SCIMP: variants seen among roughly 807,000 people sequenced by gnomAD.
SCIMP encodes the protein SLP adaptor and CSK interacting membrane protein, also known as SLP adapter and CSK-interacting membrane protein.
In SCIMP, 18 loss-of-function variants were observed where a neutral mutation model predicts 22.0. That is an observed-to-expected ratio of 0.82 (90% CI 0.56 to 1.21). The LOEUF is 1.21. SCIMP is among the 50% of genes most tolerant of loss of function. SCIMP has a pLI of 0.00. For synonymous variants in SCIMP, 53 were observed against 62.2 expected, an observed-to-expected ratio of 0.85 and a Z score of 0.70; for missense variants, 155 against 171.2, an observed-to-expected ratio of 0.91 and a Z score of 0.53.
intron 1 of SCIMP, among the ~76,000 whole-genome samples, chr17:5,230,722 A>T (rs2074687244): frequency 6.6e-6 from 1 of 151,980 alleles, no homozygotes; most frequent in South Asian, 2.1e-4. Flanking sequence ...GGAGTTCAAG[A>T]CCAGCCTAGG....
intron 3 of SCIMP, among the ~76,000 whole-genome samples, chr17:5,217,442 AG>A (rs2074573559): frequency 6.6e-6 from 1 of 151,556 alleles, no homozygotes; most frequent in South Asian, 2.1e-4. Flanking sequence ...TTTAAGTTTT[AG>A]GGTACATGTG....
chr17:5,234,193 C>G (rs1191546612), intron 1 of SCIMP, among the ~76,000 whole-genome samples: 1 of 152,114 alleles, frequency 6.6e-6, no homozygotes, highest in African/African-American at 2.4e-5. Context: ...ATCGCTTGAA[C>G]CCGGGAGGCG....
chr17:5,223,581 C>T (rs2641255), intron 1 of SCIMP, 125 bp from the exon 2 acceptor site: 489,122 of 893,950 alleles, frequency 0.55, 146,973 homozygotes, highest in Non-Finnish European at 0.64. Flanking sequence ...CTCACTCTGT[C>T]GCCCAGGCTG....
At chr17:5,217,756 GGCTGCAT>G (rs765185063) in intron 3 of SCIMP, among the ~76,000 whole-genome samples, 114 of 151,932 alleles carry the variant, frequency 7.5e-4, no homozygotes, top group Non-Finnish European at 1.0e-3. Flanking sequence ...CATTTTTTAT[GGCTGCAT>G]AGTATTCCAT....
intron 3 of SCIMP, among the ~76,000 whole-genome samples, chr17:5,218,600 A>G (rs2074583064): frequency 6.6e-6 from 1 of 152,118 alleles, no homozygotes; most frequent in South Asian, 2.1e-4. Flanking sequence ...TCGGCCTCCC[A>G]AAGTCTGGGA....
intron 1 of SCIMP, among the ~76,000 whole-genome samples, chr17:5,232,233 G>A (rs1038722944): frequency 6.6e-6 from 1 of 152,070 alleles, no homozygotes; most frequent in Non-Finnish European, 1.5e-5. Flanking sequence ...GCGCTGATGC[G>A]TTACAAGCCC....
intron 4 of SCIMP, chr17:5,214,634 A>G (rs562332803): frequency 3.2e-6 from 1 of 314,314 alleles, no homozygotes; most frequent in East Asian, 5.4e-5. Context: ...AGGTCAGGAG[A>G]TCGAGACCAT....
chr17:5,229,799 G>A (rs557382040), intron 1 of SCIMP, among the ~76,000 whole-genome samples: 3 of 151,740 alleles, frequency 2.0e-5, no homozygotes, highest in Non-Finnish European at 4.4e-5. Flanking sequence ...CCCTAGGCTG[G>A]CCATCAAGGG....
At chr17:5,224,292 G>A (rs754573889) in intron 1 of SCIMP, among the ~76,000 whole-genome samples, 30 of 151,656 alleles carry the variant, frequency 2.0e-4, no homozygotes, top group Admixed American at 1.8e-3. Context: ...CCACGACCAC[G>A]CCCGGCTGAT....
rs2074515480 is a variant in SCIMP, at chr17:5,210,025, C to T, written c.*776G>A. ...TTGTCCTGGGGGAAATGTATTTTTC[C>T]TGTAGCACCCCCAACACACCTATTG... On this transcript the variant is annotated 3_prime_UTR_variant, in exon 5 of 5. Coordinates refer to ENST00000574081, the MANE Select transcript of SCIMP (RefSeq NM_207103.3). The T allele has an allele frequency of 6.6e-6, 1 of 152,130 alleles. No homozygotes were observed. The highest frequency in any genetic ancestry group is 2.4e-5 in the African/African-American group (1 of 41,420). 9.4% of individuals were successfully genotyped at this position (152,130 alleles called of 1,614,324 possible). A position where few individuals can be genotyped will look rare whatever the true frequency, so the allele number is the denominator to read the frequency against.
At chr17:5,225,821 T>C (rs1238695306) in intron 1 of SCIMP, among the ~76,000 whole-genome samples, 1 of 150,652 alleles carries the variant, frequency 6.6e-6, no homozygotes, top group East Asian at 1.9e-4. Flanking sequence ...AACTTGAAGC[T>C]GGTTGCTCTC....
At chr17:5,214,838 TAAAAAAAA>T (rs34085108) in intron 4 of SCIMP, 79 bp downstream of exon 4, 36 of 453,112 alleles carry the variant, frequency 7.9e-5, no homozygotes, top group Non-Finnish European at 1.0e-4. Flanking sequence ...AGACTCCATC[TAAAAAAAA>T]AAAAAAAAAA....
chr17:5,222,284 G>A (rs569872518), intron 2 of SCIMP, among the ~76,000 whole-genome samples: 2 of 151,422 alleles, frequency 1.3e-5, no homozygotes, highest in South Asian at 4.2e-4. Flanking sequence ...GTAGAAACGG[G>A]GTTTCACCGT....
intron 1 of SCIMP, among the ~76,000 whole-genome samples, chr17:5,230,135 T>C (rs1412524254): frequency 6.6e-6 from 1 of 152,070 alleles, no homozygotes; most frequent in African/African-American, 2.4e-5. Context: ...CCAGAGGGAA[T>C]AGGTTTCCTG....
At chr17:5,230,686 C>T (rs1315718530) in intron 1 of SCIMP, among the ~76,000 whole-genome samples, 1 of 152,012 alleles carries the variant, frequency 6.6e-6, no homozygotes, top group Non-Finnish European at 1.5e-5. Context: ...TTTGGGAGGC[C>T]GAGGCTGGAG....
At chr17:5,231,842 CAGG>C (rs1428249454) in intron 1 of SCIMP, among the ~76,000 whole-genome samples, 2 of 152,184 alleles carry the variant, frequency 1.3e-5, no homozygotes, top group African/African-American at 4.8e-5. Flanking sequence ...ATCACGAGGT[CAGG>C]AGATCAAGAC....
intron 4 of SCIMP, chr17:5,213,051 A>T: frequency 1.5e-6 from 1 of 675,226 alleles, no homozygotes; most frequent in Non-Finnish European, 1.7e-6. Flanking sequence ...AGGATGAGGA[A>T]AATCCAGCGA....
In SCIMP at chr17:5,221,342, A is replaced by G; in HGVS notation, c.154T>C (p.Trp52Arg). 4 of 1,612,658 alleles carry G rather than the reference A, an allele frequency of 2.5e-6. No homozygotes were observed. Among genetic ancestry groups the G allele is most frequent in the South Asian group, 1.1e-5 (1 of 91,062 alleles). ...TGTTTCAGGGGCTTGGCAATTTCCCATTTCTTGCCTAAGAGGGGAAAAGCA... is the reference window on the plus strand; with the variant it reads ...TGTTTCAGGGGCTTGGCAATTTCCCGTTTCTTGCCTAAGAGGGGAAAAGCA... Reference protein sequence around the residue: ...CKWQLRRGKKWEIAKPLKHKQ... With the variant: ...CKWQLRRGKKREIAKPLKHKQ... Residue 52 changes from tryptophan (W) to arginine (R), a missense_variant, in exon 3 of 5, where the codon TGG (tryptophan) becomes CGG (arginine). Coordinates refer to ENST00000574081, the MANE Select transcript of SCIMP (RefSeq NM_207103.3).
Position 5,210,964 on chromosome 17 carries a change from C to T in SCIMP, c.284-9G>A. On this transcript the variant is annotated splice_polypyrimidine_tract_variant and intron_variant, in intron 4 of 4. Coordinates refer to ENST00000574081, the MANE Select transcript of SCIMP (RefSeq NM_207103.3). Reference sequence around the variant, plus strand: ...TGGGGCTTCCTGTGGGGCTAGAATACACAAAAAGCTCCTTAGATGCAAAGC... The same window carrying T: ...TGGGGCTTCCTGTGGGGCTAGAATATACAAAAAGCTCCTTAGATGCAAAGC... The T allele has an allele frequency of 6.3e-7, 1 of 1,593,496 alleles. No homozygotes were observed. Among genetic ancestry groups the T allele is most frequent in the Admixed American group, 1.9e-5 (1 of 53,228 alleles).
Sources: gnomAD v4.1 joint callset for allele counts (sites outside exome capture counted in the v4.1 genomes callset) on GRCh38, gnomAD v4.1.1 for gene constraint, MANE v1.5 for transcripts, NCBI Gene and HGNC (gene_info 2026-07-23, HGNC 2026-07-21) for gene names.